The following MID1 variants were observed in gnomAD, a reference collection of about 807,000 sequenced individuals.
MID1 encodes the protein midline 1.
Under a neutral mutation model 40.4 loss-of-function variants are expected in MID1, and 7 were observed. The observed-to-expected ratio is 0.17, with a 90% confidence interval of 0.10 to 0.33. The LOEUF is 0.33. Ranked by LOEUF, MID1 falls within the 10% of genes least tolerant of loss-of-function variation. MID1 has a pLI of 1.00. For synonymous variants in MID1, 229 were observed against 221.2 expected (o/e 1.04, Z -0.31); for missense variants, 367 against 558.5 (o/e 0.66, Z 3.46).
chrX:10,489,580 C>T (rs1319473908), intron 4 of MID1, among the ~76,000 whole-genome samples: 1 of 112,033 alleles, frequency 8.9e-6, no homozygotes, highest in Non-Finnish European at 1.9e-5. Flanking sequence ...TTTGCTGATC[C>T]TTTGATCTAT....
intron 1 of MID1, among the ~76,000 whole-genome samples, chrX:10,762,055 A>C (rs2043682600): frequency 1.8e-5 from 2 of 111,914 alleles, no homozygotes; most frequent in Admixed American, 9.5e-5. Context: ...ACATCTGTAA[A>C]ACAATAATTA....
At position 10,459,720 on chromosome X, in the gene MID1, T is replaced by C; in HGVS notation, c.1373A>G (p.Lys458Arg). ...GATGGCCTTGACCATGAAGATGTAC[T>C]TGGTGCCGCTCTGCAGACCGTGCAC... The part of the protein sequence containing the change: ...YTVHGLQSGT[K>R]YIFMVKAINQ... The change falls in exon 8 of 10, where the codon AAG becomes AGG. Residue 458 changes from lysine to arginine, a missense_variant. By Grantham distance (26) the Lys-to-Arg change is conservative. Transcript: ENST00000317552. 7 of 1,211,214 alleles carry C rather than the reference T, an allele frequency of 5.8e-6. No homozygotes were observed. The highest frequency in any genetic ancestry group is 6.7e-6 in the Non-Finnish European group (6 of 894,975).
At chrX:10,632,902 G>C (rs1936068072) in intron 1 of MID1, among the ~76,000 whole-genome samples, 1 of 111,336 alleles carries the variant, frequency 9.0e-6, no homozygotes. Flanking sequence ...AGTTTTATTG[G>C]AATGCAGCCA....
chrX:10,629,348 C>A (rs1936028272), intron 1 of MID1, among the ~76,000 whole-genome samples: 1 of 110,139 alleles, frequency 9.1e-6, no homozygotes. Flanking sequence ...TAGGTGAGTG[C>A]CACCATGCCT....
intron 2 of MID1, among the ~76,000 whole-genome samples, chrX:10,541,217 T>G (rs1933456298): frequency 8.9e-6 from 1 of 112,283 alleles, no homozygotes; most frequent in Non-Finnish European, 1.9e-5. Context: ...CAGGGCTACC[T>G]CTACTCTTTG....
chrX:10,481,198 A>G (rs1490100881), intron 5 of MID1, among the ~76,000 whole-genome samples: 1 of 111,799 alleles, frequency 8.9e-6, no homozygotes, highest in Non-Finnish European at 1.9e-5. Flanking sequence ...CAAAGCGGAA[A>G]AATATTTACT....
At chrX:10,483,773 A>G (rs1207635096) in intron 4 of MID1, among the ~76,000 whole-genome samples, 1 of 112,100 alleles carries the variant, frequency 8.9e-6, no homozygotes, top group Non-Finnish European at 1.9e-5. Context: ...GTATAACTCT[A>G]ATCTAAGAAA....
At chrX:10,611,509 C>G (rs770097787) in intron 1 of MID1, among the ~76,000 whole-genome samples, 1 of 111,573 alleles carries the variant, frequency 9.0e-6, no homozygotes, top group Non-Finnish European at 1.9e-5. Flanking sequence ...CACAGTTTTA[C>G]TTTTTGTTAT....
intron 3 of MID1, among the ~76,000 whole-genome samples, chrX:10,496,989 TGA>T (rs781669622): frequency 8.9e-6 from 1 of 112,572 alleles, no homozygotes; most frequent in Admixed American, 9.4e-5. Flanking sequence ...ATGCATTGAC[TGA>T]GAAGTACAAA....
intron 4 of MID1, among the ~76,000 whole-genome samples, chrX:10,483,121 TTAAG>T: frequency 8.9e-6 from 1 of 112,320 alleles, no homozygotes; most frequent in Middle Eastern, 4.6e-3. Context: ...ATGGAAAGCA[TTAAG>T]TGTTACTATT....
At chrX:10,653,837 T>C (rs1220070988) in intron 1 of MID1, among the ~76,000 whole-genome samples, 1 of 112,901 alleles carries the variant, frequency 8.9e-6, no homozygotes, top group Non-Finnish European at 1.9e-5. Context: ...TTCACAGGAA[T>C]GCAAAAGAAA....
intron 1 of MID1, among the ~76,000 whole-genome samples, chrX:10,610,324 T>A (rs1935715025): frequency 8.9e-6 from 1 of 112,234 alleles, no homozygotes; most frequent in Non-Finnish European, 1.9e-5. Flanking sequence ...TACAGATACA[T>A]CCGCCCCATA....
At chrX:10,644,579 G>T (rs1188348858) in intron 1 of MID1, among the ~76,000 whole-genome samples, 1 of 111,292 alleles carries the variant, frequency 9.0e-6, no homozygotes, top group Non-Finnish European at 1.9e-5. Context: ...AGGGGCAGTT[G>T]ATGTGCTGAT....
At chrX:10,650,433 C>G (rs1183171088) in intron 1 of MID1, among the ~76,000 whole-genome samples, 1 of 110,460 alleles carries the variant, frequency 9.1e-6, no homozygotes, top group Non-Finnish European at 1.9e-5. Context: ...AAGTTTCAGC[C>G]TAAAGTCCGG....
chrX:10,828,914 G>T (rs915530847), intron 1 of MID1, among the ~76,000 whole-genome samples: 2 of 111,923 alleles, frequency 1.8e-5, no homozygotes, highest in African/African-American at 6.5e-5. Flanking sequence ...ACTCATAACC[G>T]TCCAATGAAG....
chrX:10,495,318 T>C (rs754782528), intron 4 of MID1, among the ~76,000 whole-genome samples: 41 of 111,398 alleles, frequency 3.7e-4, no homozygotes, highest in Non-Finnish European at 6.2e-4. Context: ...ATGGCCATGA[T>C]AGACAAGACC....
chrX:10,566,558 T>TCTCTCTCTCC (rs1934558768), intron 2 of MID1, among the ~76,000 whole-genome samples: 1 of 104,727 alleles, frequency 9.5e-6, no homozygotes, highest in African/African-American at 3.6e-5. Flanking sequence ...TCTCTCTCTC[T>TCTCTCTCTCC]CTCCCTCTCT....
At chrX:10,693,247 T>G (rs1569148318) in intron 1 of MID1, among the ~76,000 whole-genome samples, 1 of 103,261 alleles carries the variant, frequency 9.7e-6, no homozygotes, top group Non-Finnish European at 2.0e-5. Flanking sequence ...CAGGCTAGAG[T>G]GCAGTGGTAT....
chrX:10,559,683 G>C (rs769078280), intron 2 of MID1, among the ~76,000 whole-genome samples: 1 of 111,224 alleles, frequency 9.0e-6, no homozygotes, highest in Non-Finnish European at 1.9e-5. Context: ...CTCAGGACTG[G>C]GGTCAGTACC....
Sources: allele counts gnomAD v4.1 joint callset (sites outside exome capture counted in the v4.1 genomes callset), GRCh38; gene constraint gnomAD v4.1.1; transcripts MANE v1.5; gene names NCBI Gene and HGNC (gene_info 2026-07-23, HGNC 2026-07-21).